The following USP32 variants were observed in gnomAD, a reference collection of about 807,000 sequenced individuals.
USP32 encodes the protein ubiquitin specific peptidase 32.
In USP32, 59 loss-of-function variants were observed where a neutral mutation model predicts 204.8. The ratio of observed to expected loss-of-function variants is 0.29; its 90% CI spans 0.23 to 0.36. USP32 has a LOEUF of 0.36. USP32 is among the 10% of genes least tolerant of loss of function. The pLI is 1.00. For synonymous variants in USP32, 517 were observed against 678.4 expected (o/e 0.76, Z 3.70); for missense variants, 1,160 against 1,946.4 (o/e 0.60, Z 7.60).
intron 2 of USP32, among the ~76,000 whole-genome samples, chr17:60,323,902 CA>C (rs1289227120): frequency 6.6e-6 from 1 of 152,148 alleles, no homozygotes; most frequent in Admixed American, 6.5e-5. Context: ...AATTCTTCTT[CA>C]AAGATGGAAT....
At chr17:60,295,594 T>C (rs1434470644) in intron 3 of USP32, among the ~76,000 whole-genome samples, 2 of 152,232 alleles carry the variant, frequency 1.3e-5, no homozygotes, top group Non-Finnish European at 2.9e-5. Context: ...AATGATCCTG[T>C]TGTCCAGTGT....
intron 28 of USP32, among the ~76,000 whole-genome samples, chr17:60,192,394 C>G (rs1447197612): frequency 1.3e-5 from 2 of 152,176 alleles, no homozygotes. Context: ...ATAAAACCAG[C>G]TAAATCTCAA....
chr17:60,336,093 T>C (rs1274198314), intron 2 of USP32, among the ~76,000 whole-genome samples: 1 of 143,004 alleles, frequency 7.0e-6, no homozygotes, highest in Non-Finnish European at 1.5e-5. Context: ...AGAGTGTTTT[T>C]TAGTATGAAT....
In USP32 at chr17:60,179,099, G is replaced by A. The variant is rs1306867449; in HGVS notation, c.*156C>T. 1 of 870,204 alleles carries A rather than the reference G, an allele frequency of 1.1e-6. No homozygotes were observed. Among genetic ancestry groups the A allele is most frequent in the African/African-American group, 1.7e-5 (1 of 58,322 alleles). 53.9% of individuals were successfully genotyped at this position (870,204 alleles called of 1,614,324 possible). On this transcript the variant is annotated 3_prime_UTR_variant, in exon 34 of 34. Coordinates refer to ENST00000300896, the MANE Select transcript of USP32 (RefSeq NM_032582.4). ...AAATAAAATGATTACTACTCTTAAAGTTAACTATTTTAATTAGAATTTTTA... is the reference window on the plus strand; with the variant it reads ...AAATAAAATGATTACTACTCTTAAAATTAACTATTTTAATTAGAATTTTTA...
At chr17:60,314,234 C>T (rs1383737193) in intron 2 of USP32, among the ~76,000 whole-genome samples, 3 of 145,002 alleles carry the variant, frequency 2.1e-5, no homozygotes, top group Admixed American at 7.2e-5. Context: ...CTCTGCCTCC[C>T]GGGCTCAAGC....
intron 1 of USP32, among the ~76,000 whole-genome samples, chr17:60,401,809 A>G (rs2089937590): frequency 3.3e-5 from 5 of 152,176 alleles, no homozygotes; most frequent in Admixed American, 3.3e-4. Flanking sequence ...CTGGGGCCCA[A>G]ACTTTTGTGC....
intron 1 of USP32, among the ~76,000 whole-genome samples, chr17:60,350,621 A>G (rs2088925675): frequency 2.0e-5 from 3 of 152,198 alleles, no homozygotes; most frequent in Non-Finnish European, 2.9e-5. Flanking sequence ...TAAGAAAATG[A>G]TATTAGTTAT....
At chr17:60,420,276 G>A in intron 1 of USP32, among the ~76,000 whole-genome samples, 1 of 152,006 alleles carries the variant, frequency 6.6e-6, no homozygotes, top group Non-Finnish European at 1.5e-5. Context: ...TTATAGGTGT[G>A]AGCCACCGCA....
At chr17:60,308,924 TCTCAAAATAAAAAACAAGAA>T (rs1380918719) in intron 2 of USP32, among the ~76,000 whole-genome samples, 1 of 151,990 alleles carries the variant, frequency 6.6e-6, no homozygotes, top group Non-Finnish European at 1.5e-5. Flanking sequence ...CAAGACTCTG[TCTCAAAATAAAAAACAAGAA>T]ACTAGACTCC....
chr17:60,194,270 C>T (rs2084458114), intron 27 of USP32, among the ~76,000 whole-genome samples: 1 of 152,126 alleles, frequency 6.6e-6, no homozygotes, highest in African/African-American at 2.4e-5. Context: ...TCTTAAACTC[C>T]TGGGCTCAAG....
chr17:60,329,107 C>T (rs2088315624), intron 2 of USP32, among the ~76,000 whole-genome samples: 1 of 152,208 alleles, frequency 6.6e-6, no homozygotes, highest in South Asian at 2.1e-4. Context: ...CAACACTGTA[C>T]TCCATAAATA....
chr17:60,312,353 T>G (rs561453969), intron 2 of USP32, among the ~76,000 whole-genome samples: 1 of 152,308 alleles, frequency 6.6e-6, no homozygotes, highest in East Asian at 1.9e-4. Flanking sequence ...AGAACCAAAT[T>G]AATGTTTTCA....
chr17:60,338,678 C>T (rs1276446192), intron 2 of USP32, among the ~76,000 whole-genome samples: 3 of 151,972 alleles, frequency 2.0e-5, no homozygotes, highest in African/African-American at 4.8e-5. Flanking sequence ...TGCAGTGAGC[C>T]GAAATTGCAC....
rs913617348 is a variant in USP32 at position 60,198,189 on chromosome 17, A to G, written c.3434+71T>C. The G allele has an allele frequency of 3.2e-6, 5 of 1,560,014 alleles. No homozygotes were observed. The African/African-American group carries it at 5.5e-5, about 17-fold the overall frequency. On this transcript the variant is annotated intron_variant, in intron 27 of 33. Transcript: ENST00000300896. ...TGACATAGGCTGGGTCCTATCAGTCATGTAGAATTCATATAGATTATTTTT... is the reference window on the plus strand; with the variant it reads ...TGACATAGGCTGGGTCCTATCAGTCGTGTAGAATTCATATAGATTATTTTT...
At chr17:60,411,046 A>C (rs907255222) in intron 1 of USP32, among the ~76,000 whole-genome samples, 4 of 151,070 alleles carry the variant, frequency 2.6e-5, no homozygotes, top group Admixed American at 2.6e-4. Flanking sequence ...TTAGCCAGCC[A>C]GGCCAGGCAC....
chr17:60,389,399 C>A (rs909502634), intron 1 of USP32, among the ~76,000 whole-genome samples: 21 of 152,020 alleles, frequency 1.4e-4, no homozygotes, highest in Admixed American at 1.4e-3. Flanking sequence ...AAAAATAAGC[C>A]AGGAGTGGTG....
chr17:60,296,397 A>C (rs1180884666), intron 3 of USP32, among the ~76,000 whole-genome samples: 1 of 152,198 alleles, frequency 6.6e-6, no homozygotes, highest in African/African-American at 2.4e-5. Flanking sequence ...ACAGAAAAAT[A>C]AAGCCATGTG....
intron 2 of USP32, among the ~76,000 whole-genome samples, chr17:60,302,439 G>A (rs548362037): frequency 2.6e-5 from 4 of 152,166 alleles, no homozygotes; most frequent in Admixed American, 6.5e-5. Context: ...GAGCCACCGC[G>A]CCTGGCCTGA....
intron 2 of USP32, among the ~76,000 whole-genome samples, chr17:60,313,477 C>CA (rs35830774): frequency 6.6e-6 from 1 of 151,044 alleles, no homozygotes; most frequent in Non-Finnish European, 1.5e-5. Flanking sequence ...TGCTTAGCTC[C>CA]AAAAAAAATA....
Sources: gnomAD v4.1 joint callset for allele counts (sites outside exome capture counted in the v4.1 genomes callset) on GRCh38, gnomAD v4.1.1 for gene constraint, MANE v1.5 for transcripts, NCBI Gene and HGNC (gene_info 2026-07-23, HGNC 2026-07-21) for gene names.